The following MND1 variants were observed in gnomAD, a reference collection of about 807,000 sequenced individuals.
MND1 encodes meiotic nuclear divisions 1.
A neutral mutation model predicts 35.1 loss-of-function variants in MND1; 28 were observed. That is an observed-to-expected ratio of 0.80 (90% CI 0.59 to 1.09). The LOEUF (loss-of-function observed/expected upper bound fraction) is 1.09. MND1 is among the 50% of genes least tolerant of loss of function. MND1 has a pLI of 0.00. For missense variants in MND1, 213 were observed against 239.6 expected (o/e 0.89, Z 0.73); for synonymous variants, 69 against 70.5 (o/e 0.98, Z 0.11).
rs561702255 is a variant in MND1, at chr4:153,371,878, T to C, written c.276+13256T>C. On this transcript the variant is annotated intron_variant, in intron 4 of 7. Coordinates refer to ENST00000240488, the MANE Select transcript of MND1 (RefSeq NM_032117.4). The stretch of plus-strand genomic sequence containing the variant: ...GTATCTTCCTAACTAAGCTTAATCA[T>C]TTCTGGCTTTTGATTGAAAATGAGA... Among the ~76,000 whole-genome samples the C allele has an allele frequency of 1.8e-4, 28 of 152,270 alleles. No homozygotes were observed. The South Asian group carries it at 1.9e-3, about 10-fold the overall frequency.
At chr4:153,387,114 CAG>C (rs1728891016) in intron 4 of MND1, among the ~76,000 whole-genome samples, 1 of 152,164 alleles carries the variant, frequency 6.6e-6, no homozygotes, top group Admixed American at 6.5e-5. Context: ...TTTCACAACA[CAG>C]AGATAACCAT....
At position 153,412,389 on chromosome 4, in the gene MND1, A is replaced by C. The variant is rs956502935; in HGVS notation, c.512-2362A>C. 2.1e-4 allele frequency among the ~76,000 whole-genome samples: 32 copies of C among 152,188 alleles called. 2 individuals are homozygous for C. On this transcript the variant is annotated intron_variant, in intron 7 of 7. Transcript: ENST00000240488. ...CACCATCCTGGAGGATCAAATTTCA[A>C]GATCAAGATGTTGGCAGGTTTGGTT...
intron 4 of MND1, among the ~76,000 whole-genome samples, chr4:153,375,848 A>C (rs1728487824): frequency 6.6e-6 from 1 of 152,178 alleles, no homozygotes; most frequent in African/African-American, 2.4e-5. Context: ...ATTTCTGAAA[A>C]GCTGAAATAA....
At chr4:153,355,564 T>A (rs1773319325) in intron 2 of MND1, 90 bp from the exon 3 acceptor site, 2 of 735,872 alleles carry the variant, frequency 2.7e-6, no homozygotes, top group East Asian at 2.8e-5. Context: ...ACAACTATTA[T>A]GTACCCATAA....
intron 4 of MND1, among the ~76,000 whole-genome samples, chr4:153,385,715 CAAA>C (rs60037291): frequency 3.6e-5 from 3 of 83,676 alleles, no homozygotes; most frequent in Admixed American, 1.4e-4. Flanking sequence ...GACCCTGTCT[CAAA>C]AAAAAAAAAA....
At chr4:153,402,918 T>C (rs1273492067) in intron 6 of MND1, among the ~76,000 whole-genome samples, 2 of 152,292 alleles carry the variant, frequency 1.3e-5, no homozygotes, top group African/African-American at 2.4e-5. Context: ...TTTGGGAAGA[T>C]TGCTTGAGCC....
At chr4:153,408,400 G>A (rs1703615260) in intron 6 of MND1, among the ~76,000 whole-genome samples, 2 of 152,134 alleles carry the variant, frequency 1.3e-5, no homozygotes, top group South Asian at 4.1e-4. Flanking sequence ...CATTAATCAT[G>A]GCATTGTTAC....
At chr4:153,394,151 C>A in intron 4 of MND1, 111 bp from the exon 5 acceptor site, 2 of 834,960 alleles carry the variant, frequency 2.4e-6, no homozygotes, top group Non-Finnish European at 3.8e-6. Context: ...CTGCCTCGGC[C>A]TGGGGCGAGT....
intron 6 of MND1, among the ~76,000 whole-genome samples, chr4:153,400,274 G>A (rs1408540104): frequency 6.6e-6 from 1 of 152,082 alleles, no homozygotes. Context: ...ACCATGTAAA[G>A]ATGGATCCTG....
intron 1 of MND1, chr4:153,345,458 C>A (rs1263849448): frequency 1.0e-6 from 1 of 985,318 alleles, no homozygotes; most frequent in Non-Finnish European, 1.2e-6. Flanking sequence ...TTTAAGGACG[C>A]TCTGCACTGA....
intron 2 of MND1, among the ~76,000 whole-genome samples, chr4:153,353,566 T>C (rs1300794839): frequency 6.6e-6 from 1 of 151,376 alleles, no homozygotes; most frequent in African/African-American, 2.4e-5. Flanking sequence ...ATTATTTTAA[T>C]CTAGTTGGTA....
At chr4:153,347,992 T>C (rs1286826384) in intron 1 of MND1, among the ~76,000 whole-genome samples, 2 of 152,010 alleles carry the variant, frequency 1.3e-5, no homozygotes, top group Non-Finnish European at 2.9e-5. Context: ...ACTGGAGGGT[T>C]TTGAGCAAGG....
intron 4 of MND1, among the ~76,000 whole-genome samples, chr4:153,371,703 A>G (rs1000236399): frequency 2.0e-5 from 3 of 152,072 alleles, no homozygotes; most frequent in African/African-American, 4.8e-5. Context: ...AACTTTCTCT[A>G]TCTCAGCAAT....
At chr4:153,357,113 A>G (rs1773365638) in intron 3 of MND1, among the ~76,000 whole-genome samples, 1 of 152,150 alleles carries the variant, frequency 6.6e-6, no homozygotes, top group Non-Finnish European at 1.5e-5. Flanking sequence ...ATGAGCCACC[A>G]TGCATATTTT....
At chr4:153,402,708 CTG>C (rs1400835334) in intron 6 of MND1, among the ~76,000 whole-genome samples, 4 of 152,118 alleles carry the variant, frequency 2.6e-5, no homozygotes, top group African/African-American at 9.7e-5. Flanking sequence ...ATAGGAAAAA[CTG>C]TCTTTATTTG....
intron 4 of MND1, among the ~76,000 whole-genome samples, chr4:153,378,202 C>CT (rs1446914332): frequency 6.6e-6 from 1 of 152,166 alleles, no homozygotes; most frequent in Non-Finnish European, 1.5e-5. Flanking sequence ...CATACCTTTT[C>CT]TTTGACTCCC....
chr4:153,349,730 G>C (rs1773164741), intron 1 of MND1, among the ~76,000 whole-genome samples: 1 of 152,172 alleles, frequency 6.6e-6, no homozygotes, highest in Non-Finnish European at 1.5e-5. Context: ...GCATGTAGCT[G>C]TTCATTAGCT....
At chr4:153,386,316 A>C (rs10001605) in intron 4 of MND1, among the ~76,000 whole-genome samples, 42,857 of 146,866 alleles carry the variant, frequency 0.29, 7,311 homozygotes, top group African/African-American at 0.48. Context: ...CATAGTGAGA[A>C]CTCGTCTCTA....
chr4:153,374,664 GCCAGTGATT>G (rs1190360210), intron 4 of MND1, among the ~76,000 whole-genome samples: 2 of 150,796 alleles, frequency 1.3e-5, no homozygotes, highest in Non-Finnish European at 3.0e-5. Context: ...TCACTCTTCT[GCCAGTGATT>G]CCAATTATGT....
Sources: allele counts gnomAD v4.1 joint callset (sites outside exome capture counted in the v4.1 genomes callset), GRCh38; gene constraint gnomAD v4.1.1; transcripts MANE v1.5; gene names NCBI Gene and HGNC (gene_info 2026-07-23, HGNC 2026-07-21).